The following HNRNPR variants were observed in gnomAD, a reference collection of about 807,000 sequenced individuals.
The protein encoded by HNRNPR is heterogeneous nuclear ribonucleoprotein R.
HNRNPR carries 4 observed loss-of-function variants against 70.3 expected under a neutral mutation model. That is an observed-to-expected ratio of 0.06 (90% CI 0.03 to 0.13). The LOEUF (loss-of-function observed/expected upper bound fraction) is 0.13. Ranked by LOEUF, HNRNPR falls within the 10% of genes least tolerant of loss-of-function variation. The pLI is 1.00. For synonymous variants in HNRNPR, 241 were observed against 267.6 expected (o/e 0.90, Z 0.97); for missense variants, 423 against 788.5 (o/e 0.54, Z 5.55).
At chr1:23,325,295 G>T (rs140944414) in intron 5 of HNRNPR, among the ~76,000 whole-genome samples, 2 of 152,112 alleles carry the variant, frequency 1.3e-5, no homozygotes, top group Admixed American at 6.5e-5. Flanking sequence ...AAATATAGAA[G>T]TAATAATAGC....
intron 4 of HNRNPR, among the ~76,000 whole-genome samples, chr1:23,336,755 G>A (rs1646506777): frequency 7.2e-6 from 1 of 138,900 alleles, no homozygotes. Flanking sequence ...GCCACAGAGT[G>A]AGACTCTGTC....
At chr1:23,324,955 A>G (rs1408707346) in intron 5 of HNRNPR, among the ~76,000 whole-genome samples, 1 of 151,936 alleles carries the variant, frequency 6.6e-6, no homozygotes, top group African/African-American at 2.4e-5. Context: ...CCTGGCTAAC[A>G]TGGTGAAACC....
At chr1:23,319,792 C>CA (rs778496144) in intron 7 of HNRNPR, among the ~76,000 whole-genome samples, 66 of 152,186 alleles carry the variant, frequency 4.3e-4, no homozygotes, top group Admixed American at 5.2e-4. Flanking sequence ...CTGGCCTCCT[C>CA]AGTTACTGTA....
In HNRNPR at chr1:23,318,430, G is replaced by T; in HGVS notation, c.1017+53C>A. On this transcript the variant is annotated intron_variant, in intron 8 of 10. Transcript: ENST00000302271. The surrounding 1 kb of genome is among the most constrained non-coding windows in gnomAD (Gnocchi z 4.2). ...ACTCAAAATATTTGAGCTTTATTCT[G>T]AGTACAAAATTTAAATGATGACCCT... 2 of 1,401,786 alleles carry T rather than the reference G, an allele frequency of 1.4e-6. No individual in the cohort carries two copies. The highest frequency in any genetic ancestry group is 1.7e-5 in the Admixed American group (1 of 57,520). The allele number at this position is 1,401,786 out of a possible 1,614,324, so 86.8% of individuals were successfully genotyped here.
intron 7 of HNRNPR, among the ~76,000 whole-genome samples, chr1:23,319,724 G>A (rs1364555201): frequency 3.9e-5 from 6 of 152,118 alleles, no homozygotes; most frequent in Non-Finnish European, 8.8e-5. Flanking sequence ...ATGGCCTACA[G>A]AAGCCCTGCC....
chr1:23,329,158 T>G (rs911267179), intron 5 of HNRNPR, among the ~76,000 whole-genome samples: 1 of 152,124 alleles, frequency 6.6e-6, no homozygotes, highest in African/African-American at 2.4e-5. Flanking sequence ...AACAAATCTG[T>G]GGCCAATAAA....
chr1:23,304,810 G>A lies in HNRNPR; in HGVS notation c.*5644C>T, dbSNP rs767429987. 2 of 152,082 alleles carry A rather than the reference G, an allele frequency of 1.3e-5. No individual in the cohort carries two copies. Among genetic ancestry groups the A allele is most frequent in the Non-Finnish European group, 2.9e-5 (2 of 68,024 alleles). 9.4% of individuals were successfully genotyped at this position (152,082 alleles called of 1,614,324 possible). On this transcript the variant is annotated 3_prime_UTR_variant, in exon 11 of 11. Transcript: ENST00000302271. ...ATTAAACTGATGATTAAATGGAAAAGGTCTTGCAAATGTCCCTATTTTGGT... is the reference window on the plus strand; with the variant it reads ...ATTAAACTGATGATTAAATGGAAAAAGTCTTGCAAATGTCCCTATTTTGGT...
chr1:23,314,652 T>C lies in HNRNPR; in HGVS notation c.1018-950A>G, dbSNP rs556934322. On this transcript the variant is annotated intron_variant, in intron 8 of 10. Transcript: ENST00000302271. ...TTAATCATTAATGGCACTGAGACATTTGTTATCAGGCTGGCAAAATTCAAA... is the reference window on the plus strand; with the variant it reads ...TTAATCATTAATGGCACTGAGACATCTGTTATCAGGCTGGCAAAATTCAAA... 3.9e-5 allele frequency among the ~76,000 whole-genome samples: 6 copies of C among 152,318 alleles called. No individual in the cohort carries two copies. The East Asian group carries it at 7.7e-4, about 20-fold the overall frequency.
chr1:23,316,476 G>A (rs570479852), intron 8 of HNRNPR, among the ~76,000 whole-genome samples: 3 of 152,240 alleles, frequency 2.0e-5, no homozygotes, highest in African/African-American at 7.2e-5. Context: ...ACTTCCATCT[G>A]AGCAGTTACT....
chr1:23,309,273 A>G lies in HNRNPR; in HGVS notation c.*1181T>C, dbSNP rs1419967048. ...TAATAGGAAATTATATTCCTAAACC[A>G]GTAACTGAAATGGTAGTCACGATCA... On this transcript the variant is annotated 3_prime_UTR_variant, in exon 11 of 11. Transcript: ENST00000302271. 2 of 152,196 alleles carry G rather than the reference A, an allele frequency of 1.3e-5. No individual in the cohort carries two copies. The highest frequency in any genetic ancestry group is 1.3e-4 in the Admixed American group (2 of 15,286). 9.4% of individuals were successfully genotyped at this position (152,196 alleles called of 1,614,324 possible).
In HNRNPR at chr1:23,310,206, A is replaced by G; in HGVS notation, c.*248T>C. 2 of 342,434 alleles carry G rather than the reference A, an allele frequency of 5.8e-6. No homozygotes were observed. The highest frequency in any genetic ancestry group is 1.1e-5 in the Non-Finnish European group (2 of 189,972). The allele number at this position is 342,434 out of a possible 1,614,324, so 21.2% of individuals were successfully genotyped here. A position where few individuals can be genotyped will look rare whatever the true frequency, so the allele number is the denominator to read the frequency against. On this transcript the variant is annotated 3_prime_UTR_variant, in exon 11 of 11. Coordinates refer to ENST00000302271, the MANE Select transcript of HNRNPR (RefSeq NM_005826.5). The surrounding 1 kb of genome is among the most constrained non-coding windows in gnomAD (Gnocchi z 6.0). ...GTTTTGAAGCTAAAATGAAGCCTGA[A>G]ACGATAAAAGCATTGTAATCCCCAG...
intron 4 of HNRNPR, among the ~76,000 whole-genome samples, chr1:23,334,412 A>G (rs948866516): frequency 6.6e-6 from 1 of 150,926 alleles, no homozygotes; most frequent in East Asian, 2.0e-4. Context: ...AATTTTTTGT[A>G]TTTTTAGTAA....
chr1:23,310,442 G>A lies in HNRNPR; in HGVS notation c.*12C>T. ...CGTATCTTGCCAGTATCATTTTCAA[G>A]CCCTTACTTGTCTACTTCCACTGTT... On this transcript the variant is annotated 3_prime_UTR_variant, in exon 11 of 11. Coordinates refer to ENST00000302271, the MANE Select transcript of HNRNPR (RefSeq NM_005826.5). This position sits in a 1 kb window ranked among gnomAD's most constrained non-coding sequence, Gnocchi z 6.0. The A allele has an allele frequency of 6.4e-7, 1 of 1,561,570 alleles. No individual in the cohort carries two copies. Among genetic ancestry groups the A allele is most frequent in the South Asian group, 1.2e-5 (1 of 82,426 alleles).
intron 1 of HNRNPR, among the ~76,000 whole-genome samples, chr1:23,342,909 T>C (rs968590304): frequency 6.6e-6 from 1 of 152,224 alleles, no homozygotes; most frequent in African/African-American, 2.4e-5. Context: ...GCTCTACAAG[T>C]TGATACTGAA....
At chr1:23,329,854 C>T (rs554463826) in intron 5 of HNRNPR, among the ~76,000 whole-genome samples, 2 of 152,304 alleles carry the variant, frequency 1.3e-5, no homozygotes, top group African/African-American at 4.8e-5. Context: ...TGGTCTCAAA[C>T]ACCTGGGTTC....
At chr1:23,339,490 G>A (rs1392297670) in intron 2 of HNRNPR, among the ~76,000 whole-genome samples, 1 of 152,128 alleles carries the variant, frequency 6.6e-6, no homozygotes, top group Non-Finnish European at 1.5e-5. Flanking sequence ...TCTTAAGTCT[G>A]TTAAGTTTGT....
At position 23,342,414 on chromosome 1, in the gene HNRNPR, A is replaced by G. The variant is rs1359706267; in HGVS notation, c.-9-1397T>C. Among the ~76,000 whole-genome samples, 4 of 152,178 alleles carry G rather than the reference A, an allele frequency of 2.6e-5. No homozygotes were observed. In the East Asian group the frequency reaches 7.7e-4, roughly 29 times the overall value. ...ACATGACTCCTCACAATTACAAAAC[A>G]CTATTAAGACTCGATAGCCCTTAAT... On this transcript the variant is annotated intron_variant, in intron 1 of 10. Transcript: ENST00000302271.
chr1:23,334,234 CTTTT>C (rs35129252), intron 4 of HNRNPR, among the ~76,000 whole-genome samples: 1,054 of 105,180 alleles, frequency 0.01, 12 homozygotes, highest in African/African-American at 0.038. Flanking sequence ...TTCTAGTGTA[CTTTT>C]TTTTTTTTTT....
intron 5 of HNRNPR, 108 bp from the exon 6 acceptor site, chr1:23,323,840 A>G (rs1645852496): frequency 1.2e-6 from 1 of 834,216 alleles, no homozygotes. Flanking sequence ...GATGGTTAAG[A>G]AAGAATGGAA....
Sources: allele counts gnomAD v4.1 joint callset (sites outside exome capture counted in the v4.1 genomes callset), GRCh38; gene constraint gnomAD v4.1.1; non-coding constraint Gnocchi (gnomAD v3.1); transcripts MANE v1.5; gene names NCBI Gene and HGNC (gene_info 2026-07-23, HGNC 2026-07-21).